The following EPB41L5 variants were observed in gnomAD, a reference collection of about 807,000 sequenced individuals.
EPB41L5 encodes band 4.1-like protein 5.
Under a neutral mutation model 106.6 loss-of-function variants are expected in EPB41L5, and 55 were observed. The observed-to-expected ratio is 0.52, with a 90% confidence interval of 0.42 to 0.65. The LOEUF (loss-of-function observed/expected upper bound fraction) is 0.65, where lower values mean the gene tolerates loss of function less well. Ranked by LOEUF, EPB41L5 falls within the 30% of genes least tolerant of loss-of-function variation. EPB41L5 has a pLI of 0.00. For missense variants in EPB41L5, 871 were observed against 882.1 expected (o/e 0.99, Z 0.16); for synonymous variants, 297 against 306.7 (o/e 0.97, Z 0.33).
At chr2:120,090,863 T>C (rs1683361570) in intron 12 of EPB41L5, among the ~76,000 whole-genome samples, 1 of 152,200 alleles carries the variant, frequency 6.6e-6, no homozygotes, top group Non-Finnish European at 1.5e-5. Flanking sequence ...AATGGGATAT[T>C]AGTCTGGATA....
At chr2:120,113,280 A>T (rs1684802707) in intron 16 of EPB41L5, among the ~76,000 whole-genome samples, 1 of 152,230 alleles carries the variant, frequency 6.6e-6, no homozygotes, top group African/African-American at 2.4e-5. Flanking sequence ...AACTAGATAA[A>T]CAGGCTTTCA....
rs771516332 is a variant in EPB41L5 at position 120,146,241 on chromosome 2, G to A, written c.1745G>A (p.Ser582Asn). ...EAVHKVTKED[S>N]LLSHKNANVQ... is the part of the protein sequence containing the mutation. The stretch of plus-strand genomic sequence containing the variant: ...TTTTCTTAGGTTACAAAAGAAGATA[G>A]CTTATTAAGTCATAAAAATGCCAAT... Residue 582 changes from serine (S) to asparagine (N), a missense_variant, in exon 20 of 25, where the codon AGC becomes AAC. Physicochemically the swap from Ser to Asn is conservative, Grantham distance 46 (BLOSUM62 1). Coordinates refer to ENST00000263713, the MANE Select transcript of EPB41L5 (RefSeq NM_020909.4). 2.5e-6 allele frequency: 4 copies of A among 1,604,568 alleles called. No individual in the cohort carries two copies. The South Asian group carries it at 3.3e-5, about 13-fold the overall frequency.
chr2:120,108,373 T>C (rs1684570102), intron 16 of EPB41L5: 1 of 152,196 alleles, frequency 6.6e-6, no homozygotes, highest in South Asian at 2.1e-4. Flanking sequence ...AAGGAAGTTT[T>C]ATTTGTTTTG....
intron 19 of EPB41L5, 70 bp downstream of exon 19, chr2:120,143,201 A>G (rs1162997224): frequency 1.5e-5 from 21 of 1,389,150 alleles, no homozygotes; most frequent in African/African-American, 4.5e-5. Context: ...TGCCTTCCCC[A>G]ACTCTAAATT....
intron 16 of EPB41L5, among the ~76,000 whole-genome samples, chr2:120,108,933 T>G (rs1684596488): frequency 6.6e-6 from 1 of 152,154 alleles, no homozygotes; most frequent in African/African-American, 2.4e-5. Flanking sequence ...AATATTTGAG[T>G]AGTAAAGGCA....
At chr2:120,015,907 TAA>T (rs35254844) in intron 1 of EPB41L5, among the ~76,000 whole-genome samples, 77 of 120,698 alleles carry the variant, frequency 6.4e-4, no homozygotes, top group East Asian at 7.1e-4. Context: ...AGACTGTCTC[TAA>T]AAAAAAAAAA....
At chr2:120,171,931 CAAAAG>C (rs989776289) in intron 24 of EPB41L5, among the ~76,000 whole-genome samples, 14 of 147,642 alleles carry the variant, frequency 9.5e-5, no homozygotes, top group East Asian at 2.0e-4. Flanking sequence ...ATGTAAATAA[CAAAAG>C]AAAAGGTCAC....
At chr2:120,031,250 A>G (rs1436509651) in intron 2 of EPB41L5, among the ~76,000 whole-genome samples, 1 of 152,212 alleles carries the variant, frequency 6.6e-6, no homozygotes, top group East Asian at 1.9e-4. Flanking sequence ...AGTCTCCCAC[A>G]CAACCAGCTC....
intron 7 of EPB41L5, among the ~76,000 whole-genome samples, 174 bp downstream of exon 7, chr2:120,075,927 C>T (rs766649275): frequency 6.6e-6 from 1 of 152,162 alleles, no homozygotes; most frequent in Non-Finnish European, 1.5e-5. Flanking sequence ...CCTTCTTTTT[C>T]TTCTCTTTCA....
At chr2:120,072,637 A>C (rs1681950909) in intron 3 of EPB41L5, among the ~76,000 whole-genome samples, 1 of 152,158 alleles carries the variant, frequency 6.6e-6, no homozygotes, top group Non-Finnish European at 1.5e-5. Flanking sequence ...GCAGGGACAT[A>C]GATGAAGCTG....
At chr2:120,137,036 A>G (rs1685952826) in intron 18 of EPB41L5, among the ~76,000 whole-genome samples, 1 of 152,100 alleles carries the variant, frequency 6.6e-6, no homozygotes, top group African/African-American at 2.4e-5. Context: ...CTCTGACCAC[A>G]TGGAATAAAA....
At chr2:120,127,954 C>G (rs967035009) in intron 17 of EPB41L5, 103 bp downstream of exon 17, 3 of 1,089,826 alleles carry the variant, frequency 2.8e-6, no homozygotes, top group Admixed American at 3.0e-5. Context: ...ACTAGTTCAA[C>G]TTTTAAATTT....
At chr2:120,073,457 A>T (rs1402664911) in intron 4 of EPB41L5, among the ~76,000 whole-genome samples, 1 of 152,230 alleles carries the variant, frequency 6.6e-6, no homozygotes, top group Non-Finnish European at 1.5e-5. Flanking sequence ...GCAGCTTGCA[A>T]ATGGGATTGA....
At chr2:120,118,517 C>T (rs974281284) in intron 16 of EPB41L5, among the ~76,000 whole-genome samples, 1 of 151,974 alleles carries the variant, frequency 6.6e-6, no homozygotes, top group Non-Finnish European at 1.5e-5. Context: ...CTCCCCCACA[C>T]CCCCGACAGG....
intron 3 of EPB41L5, among the ~76,000 whole-genome samples, chr2:120,054,846 T>TA (rs1221213956): frequency 6.6e-6 from 1 of 151,180 alleles, no homozygotes; most frequent in Non-Finnish European, 1.5e-5. Flanking sequence ...TCTGTTCCAT[T>TA]GATACATACA....
intron 3 of EPB41L5, among the ~76,000 whole-genome samples, chr2:120,072,132 C>T (rs548368321): frequency 6.6e-6 from 1 of 152,224 alleles, no homozygotes; most frequent in Admixed American, 6.5e-5. Flanking sequence ...AGGATATGAA[C>T]AGACACTTCT....
Position 120,090,218 on chromosome 2 carries a change from T to C in EPB41L5, c.874-129T>C, listed in dbSNP as rs914075282. On this transcript the variant is annotated intron_variant, in intron 11 of 24. Coordinates refer to ENST00000263713, the MANE Select transcript of EPB41L5 (RefSeq NM_020909.4). ...AGCTCTGCCCTTATTATGTTGATAC[T>C]ATAAAGAGTGTCTGAATTTCAGGGA... The C allele has an allele frequency of 4.5e-6, 3 of 673,096 alleles. No homozygotes were observed. The African/African-American group carries it at 5.6e-5, about 12-fold the overall frequency. 41.7% of individuals were successfully genotyped at this position (673,096 alleles called of 1,614,324 possible). A position where few individuals can be genotyped will look rare whatever the true frequency, so the allele number is the denominator to read the frequency against.
At chr2:120,108,912 A>G (rs1197562130) in intron 16 of EPB41L5, among the ~76,000 whole-genome samples, 1 of 152,232 alleles carries the variant, frequency 6.6e-6, no homozygotes. Flanking sequence ...ATGTTGGAAT[A>G]ATAACATTAA....
chr2:120,095,174 TTTTG>T (rs1489053205), intron 14 of EPB41L5, among the ~76,000 whole-genome samples: 1 of 152,210 alleles, frequency 6.6e-6, no homozygotes, highest in Non-Finnish European at 1.5e-5. Flanking sequence ...TTCTTTCTGT[TTTTG>T]TTTCATGTAT....
Sources: gnomAD v4.1 joint callset for allele counts (sites outside exome capture counted in the v4.1 genomes callset) on GRCh38, gnomAD v4.1.1 for gene constraint, MANE v1.5 for transcripts, NCBI Gene and HGNC (gene_info 2026-07-23, HGNC 2026-07-21) for gene names.